CCDC88A: variants seen among roughly 807,000 people sequenced by gnomAD.
CCDC88A encodes the protein coiled-coil and HOOK domain protein 88A.
In CCDC88A, 54 loss-of-function variants were observed where a neutral mutation model predicts 234.3. That is an observed-to-expected ratio of 0.23 (90% CI 0.19 to 0.29). CCDC88A has a LOEUF of 0.29. CCDC88A is among the 10% of genes least tolerant of loss of function. CCDC88A has a pLI of 1.00. For missense variants in CCDC88A, 1,832 were observed against 2,123.4 expected (o/e 0.86, Z 2.70); for synonymous variants, 753 against 737.8 (o/e 1.02, Z -0.33).
chr2:55,385,924 G>A (rs1333254549), intron 3 of CCDC88A, among the ~76,000 whole-genome samples: 1 of 140,520 alleles, frequency 7.1e-6, no homozygotes, highest in Non-Finnish European at 1.5e-5. Flanking sequence ...CTTCTCCAGA[G>A]CAAAAAGAAT....
At chr2:55,336,559 TAAAA>T in intron 14 of CCDC88A, 118 bp downstream of exon 14, 1 of 600,756 alleles carries the variant, frequency 1.7e-6, no homozygotes. Context: ...TACTTTAAAA[TAAAA>T]AAATTCTAAA....
At chr2:55,388,680 T>C (rs1558798388) in intron 3 of CCDC88A, 98 bp downstream of exon 3, 4 of 593,930 alleles carry the variant, frequency 6.7e-6, no homozygotes, top group Non-Finnish European at 9.0e-6. Context: ...GAACCTAGCA[T>C]ATAATAAGCG....
intron 8 of CCDC88A, among the ~76,000 whole-genome samples, chr2:55,351,538 G>T (rs1421321845): frequency 6.6e-6 from 1 of 152,050 alleles, no homozygotes; most frequent in Non-Finnish European, 1.5e-5. Context: ...GTAGAGACGG[G>T]TCTCCCTGTG....
At chr2:55,367,313 A>G (rs895245069) in intron 5 of CCDC88A, among the ~76,000 whole-genome samples, 1 of 152,098 alleles carries the variant, frequency 6.6e-6, no homozygotes, top group Non-Finnish European at 1.5e-5. Flanking sequence ...AATTCTTCAG[A>G]TGGATGGTGG....
chr2:55,291,735 C>A lies in CCDC88A; in HGVS notation c.5592G>T (p.Arg1864Ser). Residue 1864 changes from arginine to serine, a missense_variant, in exon 32 of 33, where the codon AGG becomes AGT. Physicochemically the swap from Arg to Ser is moderately radical, Grantham distance 110 (BLOSUM62 -1). Transcript: ENST00000436346. Reference sequence around the variant, plus strand: ...ATTAGGAGCTTTGTTGCTCCCTAGACCTGCTTTTTGAATTTCTGCTTTCTT... The same window carrying A: ...ATTAGGAGCTTTGTTGCTCCCTAGAACTGCTTTTTGAATTTCTGCTTTCTT... ...KVQESRNSKS[R>S]SREQQSS 1.2e-6 allele frequency: 2 copies of A among 1,612,390 alleles called. No homozygotes were observed. The highest frequency in any genetic ancestry group is 1.7e-5 in the Admixed American group (1 of 59,898).
intron 3 of CCDC88A, among the ~76,000 whole-genome samples, chr2:55,378,414 T>G (rs1468275936): frequency 1.3e-5 from 2 of 152,248 alleles, no homozygotes; most frequent in Non-Finnish European, 2.9e-5. Flanking sequence ...AGAATCTAAA[T>G]GACCAGTACA....
In CCDC88A at chr2:55,319,146, AAAACC is replaced by A. The variant is rs1279333641; in HGVS notation, c.3163-147_3163-143del. 1.2e-4 allele frequency: 76 copies of A among 621,664 alleles called. No homozygotes were observed. In the East Asian group the frequency reaches 1.8e-3, roughly 14 times the overall value. 38.5% of individuals were successfully genotyped at this position (621,664 alleles called of 1,614,324 possible). A position where few individuals can be genotyped will look rare whatever the true frequency, so the allele number is the denominator to read the frequency against. On this transcript the variant is annotated intron_variant, in intron 18 of 32. Transcript: ENST00000436346. The stretch of plus-strand genomic sequence containing the variant: ...GCCCCAACAATCTTAAAAGAGAAAA[AAAACC>A]AAAACATTTCCCCCATCCCAAATTG...
At chr2:55,325,348 T>C (rs1039066571) in intron 17 of CCDC88A, among the ~76,000 whole-genome samples, 4 of 152,232 alleles carry the variant, frequency 2.6e-5, no homozygotes, top group Non-Finnish European at 5.9e-5. Context: ...ATTGCTAATG[T>C]AGAGAAATAA....
chr2:55,408,840 C>T (rs1680015398), intron 2 of CCDC88A, among the ~76,000 whole-genome samples: 1 of 152,072 alleles, frequency 6.6e-6, no homozygotes, highest in African/African-American at 2.4e-5. Flanking sequence ...GGATTGGGAC[C>T]CCTTTCCAGT....
intron 2 of CCDC88A, among the ~76,000 whole-genome samples, chr2:55,410,203 TG>T (rs1313505709): frequency 6.6e-6 from 1 of 152,100 alleles, no homozygotes; most frequent in Non-Finnish European, 1.5e-5. Flanking sequence ...AAGGAGTACT[TG>T]TTTGGGGATG....
chr2:55,418,081 C>T (rs1681770692), intron 2 of CCDC88A: 1 of 152,106 alleles, frequency 6.6e-6, no homozygotes, highest in South Asian at 2.1e-4. Context: ...TTTCACTATT[C>T]AATTCCCATC....
chr2:55,409,738 C>CTTTTTT (rs61703330), intron 2 of CCDC88A, among the ~76,000 whole-genome samples: 2,191 of 111,312 alleles, frequency 0.02, 255 homozygotes, highest in African/African-American at 0.08. Context: ...ATATACCTCC[C>CTTTTTT]TTTTTTTTTT....
intron 3 of CCDC88A, among the ~76,000 whole-genome samples, chr2:55,375,297 G>A (rs1172703382): frequency 6.6e-6 from 1 of 151,796 alleles, no homozygotes; most frequent in African/African-American, 2.4e-5. Context: ...TTATTATTTG[G>A]AAATCTGAAG....
rs773160603 is a variant in CCDC88A, at chr2:55,299,968, T to C, written c.4745-49A>G. On this transcript the variant is annotated intron_variant, in intron 28 of 32. Coordinates refer to ENST00000436346, the MANE Select transcript of CCDC88A (RefSeq NM_001365480.1). Reference sequence around the variant, plus strand: ...GTGTGATAAAACTTCTAGCTGATGATGCTGATGAGCTTTTACATTCTGATT... The same window carrying C: ...GTGTGATAAAACTTCTAGCTGATGACGCTGATGAGCTTTTACATTCTGATT... The C allele has an allele frequency of 3.9e-6, 5 of 1,278,760 alleles. No individual in the cohort carries two copies. In the African/African-American group the frequency reaches 4.4e-5, roughly 11 times the overall value. The allele number at this position is 1,278,760 out of a possible 1,614,324, so 79.2% of individuals were successfully genotyped here. A position where few individuals can be genotyped will look rare whatever the true frequency, so the allele number is the denominator to read the frequency against.
At position 55,419,469 on chromosome 2, in the gene CCDC88A, G is replaced by C. The variant is rs192910065; in HGVS notation, c.-390C>G. 4.9e-6 allele frequency: 1 copy of C among 203,500 alleles called. No individual in the cohort carries two copies. The highest frequency in any genetic ancestry group is 1.4e-4 in the East Asian group (1 of 7,340). The allele number at this position is 203,500 out of a possible 1,614,324, so 12.6% of individuals were successfully genotyped here. On this transcript the variant is annotated 5_prime_UTR_variant, in exon 1 of 33. Transcript: ENST00000436346. The stretch of plus-strand genomic sequence containing the variant: ...CTGCTCCCAATGAATCAATCCCAAC[G>C]GGGGCTAAATGAAATACGTTAAACA...
In CCDC88A at chr2:55,303,058, TA is replaced by T; in HGVS notation, c.4471+10del. The T allele has an allele frequency of 6.6e-7, 1 of 1,523,904 alleles. No individual in the cohort carries two copies. The allele number at this position is 1,523,904 out of a possible 1,614,324, so 94.4% of individuals were successfully genotyped here. On this transcript the variant is annotated intron_variant, in intron 26 of 32. Coordinates refer to ENST00000436346, the MANE Select transcript of CCDC88A (RefSeq NM_001365480.1). ...TCAGTTGAAAGAAGCTGAACTGTCATAAAGTCTTACACATGGAACGACGGTA... is the reference window on the plus strand; with the variant it reads ...TCAGTTGAAAGAAGCTGAACTGTCATAAGTCTTACACATGGAACGACGGTA...
chr2:55,383,546 C>A (rs1674958479), intron 3 of CCDC88A, among the ~76,000 whole-genome samples: 1 of 151,656 alleles, frequency 6.6e-6, no homozygotes, highest in African/African-American at 2.4e-5. Flanking sequence ...TCGCTTGAAC[C>A]CGGGAGGCGG....
intron 3 of CCDC88A, among the ~76,000 whole-genome samples, chr2:55,377,516 C>G (rs1673870919): frequency 6.6e-6 from 1 of 151,840 alleles, no homozygotes; most frequent in Non-Finnish European, 1.5e-5. Context: ...ACTGTTTTGT[C>G]TATATCCTAC....
intron 2 of CCDC88A, among the ~76,000 whole-genome samples, chr2:55,393,299 T>G (rs914052709): frequency 1.5e-5 from 2 of 130,414 alleles, no homozygotes; most frequent in African/African-American, 2.9e-5. Flanking sequence ...GTTTTTTTTT[T>G]TTTTTTTTTT....
Sources: gnomAD v4.1 joint callset for allele counts (sites outside exome capture counted in the v4.1 genomes callset) on GRCh38, gnomAD v4.1.1 for gene constraint, MANE v1.5 for transcripts, NCBI Gene and HGNC (gene_info 2026-07-23, HGNC 2026-07-21) for gene names.